SLC35F2: variants seen among roughly 807,000 people sequenced by gnomAD.
SLC35F2 encodes the protein queuine/queuosine transporter SLC35F2.
In SLC35F2, 25 loss-of-function variants were observed where a neutral mutation model predicts 38.1. The observed-to-expected ratio is 0.66, with a 90% CI of 0.48 to 0.92. The LOEUF is 0.92. SLC35F2 is among the 40% of genes least tolerant of loss of function. The probability of loss-of-function intolerance (pLI) is 0.00; values close to 1 mark genes in which losing one functional copy is unlikely to be tolerated. For missense variants in SLC35F2, 409 were observed against 452.9 expected (o/e 0.90, Z 0.88); for synonymous variants, 173 against 181.7 (o/e 0.95, Z 0.38).
chr11:107,830,304 G>A (rs1245372913), intron 1 of SLC35F2, among the ~76,000 whole-genome samples: 1 of 152,000 alleles, frequency 6.6e-6, no homozygotes, highest in East Asian at 1.9e-4. Context: ...AAATACTGTT[G>A]GCTGGGCACA....
At chr11:107,829,939 A>T (rs974545402) in intron 1 of SLC35F2, among the ~76,000 whole-genome samples, 1 of 152,152 alleles carries the variant, frequency 6.6e-6, no homozygotes, top group Non-Finnish European at 1.5e-5. Flanking sequence ...CTAAAATTTC[A>T]AATAAAATTT....
At chr11:107,823,556 G>C (rs888769547) in intron 1 of SLC35F2, among the ~76,000 whole-genome samples, 4 of 152,088 alleles carry the variant, frequency 2.6e-5, no homozygotes, top group Non-Finnish European at 4.4e-5. Context: ...CCAAGTTCTC[G>C]CACTCTGCAC....
chr11:107,819,267 A>G (rs1470360499), intron 1 of SLC35F2, among the ~76,000 whole-genome samples: 1 of 152,178 alleles, frequency 6.6e-6, no homozygotes, highest in African/African-American at 2.4e-5. Flanking sequence ...TTGCTCTCCA[A>G]AGGGTTATAT....
chr11:107,818,755 T>C (rs1370390710), intron 1 of SLC35F2, among the ~76,000 whole-genome samples: 1 of 152,198 alleles, frequency 6.6e-6, no homozygotes, highest in Non-Finnish European at 1.5e-5. Flanking sequence ...TGATGAATAT[T>C]TTGGTTGTAT....
intron 7 of SLC35F2, among the ~76,000 whole-genome samples, chr11:107,801,392 A>G (rs952511754): frequency 6.6e-6 from 1 of 152,192 alleles, no homozygotes; most frequent in African/African-American, 2.4e-5. Context: ...GATTTTTTAA[A>G]TATAAATCAA....
chr11:107,837,097 A>G (rs917688603), intron 1 of SLC35F2, among the ~76,000 whole-genome samples: 1 of 152,180 alleles, frequency 6.6e-6, no homozygotes, highest in Non-Finnish European at 1.5e-5. Context: ...ACAAAAATTG[A>G]AAGTATAAAT....
At chr11:107,845,564 G>C (rs1860092752) in intron 1 of SLC35F2, among the ~76,000 whole-genome samples, 1 of 151,856 alleles carries the variant, frequency 6.6e-6, no homozygotes, top group Non-Finnish European at 1.5e-5. Flanking sequence ...AAGAAGTTTT[G>C]GATTTACCTG....
In SLC35F2 at chr11:107,818,126, A is replaced by AAGAAAGAAAG. The variant is rs1565433271; in HGVS notation, c.111-2162_111-2161insCTTTCTTTCT. ...AAAGAAAGAAAGAAAGAAAGAAAGA[A>AAGAAAGAAAG]AGAAAGAAAAAGAAACAATTGTCAG... On this transcript the variant is annotated intron_variant, in intron 1 of 7. Transcript: ENST00000525815. 6.3e-4 allele frequency among the ~76,000 whole-genome samples: 94 copies of AAGAAAGAAAG among 148,842 alleles called. 2 individuals are homozygous for AAGAAAGAAAG. Among genetic ancestry groups the AAGAAAGAAAG allele is most frequent in the Admixed American group, 6.2e-3 (92 of 14,858 alleles).
chr11:107,809,625 C>CCTTCTCAG, intron 3 of SLC35F2: 1 of 936,348 alleles, frequency 1.1e-6, no homozygotes, highest in Non-Finnish European at 1.3e-6. Flanking sequence ...GAGCAAGACT[C>CCTTCTCAG]CTTCTCAGAA....
At chr11:107,834,630 A>G (rs1456375308) in intron 1 of SLC35F2, among the ~76,000 whole-genome samples, 1 of 152,200 alleles carries the variant, frequency 6.6e-6, no homozygotes, top group Admixed American at 6.5e-5. Flanking sequence ...ACCCTAGGTG[A>G]CAAGAGTGAA....
At chr11:107,835,393 T>C (rs1364477031) in intron 1 of SLC35F2, among the ~76,000 whole-genome samples, 1 of 152,004 alleles carries the variant, frequency 6.6e-6, no homozygotes, top group Non-Finnish European at 1.5e-5. Flanking sequence ...TTAGTGGAAA[T>C]AGTCCGAACC....
intron 3 of SLC35F2, among the ~76,000 whole-genome samples, chr11:107,807,978 T>C (rs1859424463): frequency 6.6e-6 from 1 of 152,116 alleles, no homozygotes; most frequent in Non-Finnish European, 1.5e-5. Context: ...TGAGACACTG[T>C]GAAAGGAGCT....
At chr11:107,830,952 G>T (rs1320583633) in intron 1 of SLC35F2, among the ~76,000 whole-genome samples, 7 of 152,166 alleles carry the variant, frequency 4.6e-5, no homozygotes, top group Admixed American at 2.6e-4. Flanking sequence ...AAAACCTGAA[G>T]ATTGCTGATC....
intron 1 of SLC35F2, among the ~76,000 whole-genome samples, chr11:107,825,863 G>A (rs1859746748): frequency 6.6e-6 from 1 of 152,120 alleles, no homozygotes; most frequent in Non-Finnish European, 1.5e-5. Flanking sequence ...AAACTTAACA[G>A]TACTTCTGAC....
At chr11:107,799,650 G>A (rs1167552962) in intron 7 of SLC35F2, among the ~76,000 whole-genome samples, 2 of 152,124 alleles carry the variant, frequency 1.3e-5, no homozygotes, top group Non-Finnish European at 2.9e-5. Context: ...GAGTGCAATG[G>A]CATGATCTCG....
At chr11:107,809,369 C>T (rs1723249892) in intron 3 of SLC35F2, among the ~76,000 whole-genome samples, 1 of 148,852 alleles carries the variant, frequency 6.7e-6, no homozygotes, top group African/African-American at 2.5e-5. Context: ...GGGCGCATGC[C>T]TGTAATCCCA....
chr11:107,829,056 C>A (rs1859795654), intron 1 of SLC35F2, among the ~76,000 whole-genome samples: 1 of 147,574 alleles, frequency 6.8e-6, no homozygotes, highest in African/African-American at 2.5e-5. Flanking sequence ...TGCAGTGAGC[C>A]AAGATCACGC....
At chr11:107,794,523 C>T (rs560413807) in intron 7 of SLC35F2, among the ~76,000 whole-genome samples, 7 of 152,266 alleles carry the variant, frequency 4.6e-5, no homozygotes, top group African/African-American at 1.4e-4. Flanking sequence ...TTCCTTTCAA[C>T]TGGAAAAGCA....
intron 3 of SLC35F2, among the ~76,000 whole-genome samples, chr11:107,809,063 C>G (rs559893726): frequency 3.3e-4 from 51 of 152,312 alleles, no homozygotes; most frequent in African/African-American, 1.1e-3. Flanking sequence ...GCCAGTCACT[C>G]TCCAAGTCAA....
Sources: allele counts gnomAD v4.1 joint callset (sites outside exome capture counted in the v4.1 genomes callset), GRCh38; gene constraint gnomAD v4.1.1; transcripts MANE v1.5; gene names NCBI Gene and HGNC (gene_info 2026-07-23, HGNC 2026-07-21).